Variants in KCNMB2 observed in about 807,000 individuals in gnomAD.
KCNMB2 encodes potassium calcium-activated channel subfamily M regulatory beta subunit 2.
In KCNMB2, 9 loss-of-function variants were observed where a neutral mutation model predicts 24.5. That is an observed-to-expected ratio of 0.37 (90% CI 0.22 to 0.64). The LOEUF is 0.64. Ranked by LOEUF, KCNMB2 falls within the 30% of genes least tolerant of loss-of-function variation. The pLI is 0.63. For missense variants in KCNMB2, 226 were observed against 284.3 expected (o/e 0.79, Z 1.47); for synonymous variants, 109 against 104.4 (o/e 1.04, Z -0.27).
At chr3:178,786,463 G>A (rs1482534518) in intron 1 of KCNMB2, among the ~76,000 whole-genome samples, 4 of 152,152 alleles carry the variant, frequency 2.6e-5, no homozygotes, top group Non-Finnish European at 5.9e-5. Flanking sequence ...CAAAAACGTG[G>A]TTGGATCCTA....
At chr3:178,702,607 T>C (rs1051074138) in intron 1 of KCNMB2, among the ~76,000 whole-genome samples, 2 of 152,132 alleles carry the variant, frequency 1.3e-5, no homozygotes, top group Admixed American at 6.6e-5. Context: ...ACTTAATTAA[T>C]GCCACTTACA....
At chr3:178,708,040 T>C (rs1722335086) in intron 1 of KCNMB2, among the ~76,000 whole-genome samples, 1 of 152,198 alleles carries the variant, frequency 6.6e-6, no homozygotes, top group Admixed American at 6.5e-5. Flanking sequence ...GACTGATTCA[T>C]GAATTGCTAT....
intron 1 of KCNMB2, among the ~76,000 whole-genome samples, chr3:178,766,177 A>G (rs1712111375): frequency 6.6e-6 from 1 of 151,956 alleles, no homozygotes; most frequent in South Asian, 2.1e-4. Flanking sequence ...CCTCTTCCAT[A>G]TTCTTATCAC....
rs116315242 is a variant in KCNMB2, at chr3:178,725,889, T to C, written c.-67-81454T>C. On this transcript the variant is annotated intron_variant, in intron 1 of 4. Transcript: ENST00000452583. ...AGTTGGTTTATTTTTTTAATCCATC[T>C]ATCCTAACAATCTCTATGTTTTAGT... is the stretch of plus-strand genomic sequence containing the variant. Among the ~76,000 whole-genome samples the C allele has an allele frequency of 4.2e-3, 644 of 152,086 alleles. 3 individuals carry two copies. The highest frequency in any genetic ancestry group is 0.015 in the African/African-American group (607 of 41,574).
intron 1 of KCNMB2, among the ~76,000 whole-genome samples, chr3:178,783,113 G>A (rs565146548): frequency 0.14 from 20,196 of 149,598 alleles, 1,651 homozygotes; most frequent in Admixed American, 0.17. Flanking sequence ...GATATACGGC[G>A]TTATTTCTGA....
intron 1 of KCNMB2, among the ~76,000 whole-genome samples, chr3:178,537,758 TAGTA>T (rs1715458233): frequency 1.3e-5 from 2 of 152,162 alleles, no homozygotes; most frequent in Non-Finnish European, 2.9e-5. Flanking sequence ...GGCAGAAACA[TAGTA>T]AGTGAATTTC....
chr3:178,609,840 G>A (rs750635684), intron 1 of KCNMB2, among the ~76,000 whole-genome samples: 8 of 152,080 alleles, frequency 5.3e-5, no homozygotes, highest in Middle Eastern at 6.8e-3. Context: ...GTTTTGCCAC[G>A]TTGCTCAGGC....
At chr3:178,581,021 A>G (rs901821006) in intron 1 of KCNMB2, among the ~76,000 whole-genome samples, 2 of 152,228 alleles carry the variant, frequency 1.3e-5, no homozygotes, top group East Asian at 1.9e-4. Context: ...AAACTACCTT[A>G]AAGTTCATAT....
chr3:178,615,198 A>T (rs1207635120), intron 1 of KCNMB2, among the ~76,000 whole-genome samples: 2 of 152,216 alleles, frequency 1.3e-5, no homozygotes, highest in African/African-American at 4.8e-5. Context: ...GGCCAGCACT[A>T]CAATGACTGC....
chr3:178,682,363 T>C (rs1397092353), intron 1 of KCNMB2, among the ~76,000 whole-genome samples: 1 of 152,010 alleles, frequency 6.6e-6, no homozygotes, highest in Non-Finnish European at 1.5e-5. Context: ...TGCTGTCTTC[T>C]CCTTGCAAAT....
intron 1 of KCNMB2, among the ~76,000 whole-genome samples, chr3:178,701,494 G>GA (rs1054215408): frequency 1.6e-4 from 25 of 152,072 alleles, no homozygotes; most frequent in African/African-American, 5.8e-4. Flanking sequence ...ATTCTGTGAA[G>GA]AAAGTCATTG....
intron 2 of KCNMB2, among the ~76,000 whole-genome samples, chr3:178,823,940 T>C (rs1000139572): frequency 1.3e-5 from 2 of 152,214 alleles, no homozygotes; most frequent in African/African-American, 4.8e-5. Context: ...AGTTTCTTTT[T>C]CCATTTTCAG....
At chr3:178,756,342 T>C (rs576060134) in intron 1 of KCNMB2, among the ~76,000 whole-genome samples, 1 of 152,002 alleles carries the variant, frequency 6.6e-6, no homozygotes, top group Non-Finnish European at 1.5e-5. Flanking sequence ...TTATGTAAAG[T>C]TGAATTAGCC....
intron 1 of KCNMB2, among the ~76,000 whole-genome samples, chr3:178,642,649 T>C (rs957721197): frequency 8.5e-5 from 13 of 152,378 alleles, no homozygotes; most frequent in Non-Finnish European, 1.5e-4. Context: ...TTTCATTTCC[T>C]GGGATTTCAA....
At chr3:178,651,352 C>A (rs540485402) in intron 1 of KCNMB2, among the ~76,000 whole-genome samples, 3 of 152,254 alleles carry the variant, frequency 2.0e-5, no homozygotes, top group African/African-American at 7.2e-5. Flanking sequence ...CCTAGAAATA[C>A]AACTTACAAG....
intron 1 of KCNMB2, among the ~76,000 whole-genome samples, chr3:178,609,082 G>A (rs1577045842): frequency 6.6e-6 from 1 of 152,112 alleles, no homozygotes; most frequent in Non-Finnish European, 1.5e-5. Flanking sequence ...TCCCCATACT[G>A]TTTTTACTAA....
At chr3:178,730,005 C>A (rs1723092252) in intron 1 of KCNMB2, among the ~76,000 whole-genome samples, 1 of 152,100 alleles carries the variant, frequency 6.6e-6, no homozygotes, top group Non-Finnish European at 1.5e-5. Context: ...GTAATCTCAC[C>A]ATCTTCATGG....
At chr3:178,605,566 A>G (rs1049495473) in intron 1 of KCNMB2, among the ~76,000 whole-genome samples, 9 of 152,234 alleles carry the variant, frequency 5.9e-5, no homozygotes, top group African/African-American at 1.9e-4. Flanking sequence ...GTACAGGCTC[A>G]GAAAGAAAAG....
At chr3:178,840,754 G>A (rs1459572386) in intron 4 of KCNMB2, among the ~76,000 whole-genome samples, 2 of 152,234 alleles carry the variant, frequency 1.3e-5, no homozygotes, top group African/African-American at 4.8e-5. Flanking sequence ...GCTGCACAGA[G>A]CAGCAGGGCC....
Sources: allele counts gnomAD v4.1 joint callset (sites outside exome capture counted in the v4.1 genomes callset), GRCh38; gene constraint gnomAD v4.1.1; transcripts MANE v1.5; gene names NCBI Gene and HGNC (gene_info 2026-07-23, HGNC 2026-07-21).